The following ZDHHC20 variants were observed in gnomAD, a reference collection of about 807,000 sequenced individuals.
ZDHHC20 encodes zDHHC palmitoyltransferase 20, also known as palmitoyltransferase ZDHHC20.
In ZDHHC20, 43 loss-of-function variants were observed where a neutral mutation model predicts 57.8. The observed-to-expected ratio is 0.74, with a 90% CI of 0.58 to 0.96. ZDHHC20 has a LOEUF of 0.96. Ranked by LOEUF, ZDHHC20 falls within the 40% of genes least tolerant of loss-of-function variation. The pLI is 0.00. For synonymous variants in ZDHHC20, 157 were observed against 153.0 expected (o/e 1.03, Z -0.19); for missense variants, 391 against 441.1 (o/e 0.89, Z 1.02).
chr13:21,437,696 T>C (rs1344875580), intron 1 of ZDHHC20, among the ~76,000 whole-genome samples: 1 of 31,548 alleles, frequency 3.2e-5, no homozygotes, highest in Non-Finnish European at 1.4e-4. Context: ...CTTTACTGAA[T>C]TTTTTTTTTT....
chr13:21,432,012 G>A (rs893409554), intron 1 of ZDHHC20, among the ~76,000 whole-genome samples: 1 of 151,916 alleles, frequency 6.6e-6, no homozygotes, highest in African/African-American at 2.4e-5. Context: ...GGAAATCTTT[G>A]CCAACCTATG....
At chr13:21,443,767 T>C (rs542658433) in intron 1 of ZDHHC20, among the ~76,000 whole-genome samples, 1 of 152,358 alleles carries the variant, frequency 6.6e-6, no homozygotes. Context: ...CTGGGGTCCT[T>C]CAATATTGTT....
chr13:21,412,182 G>A (rs1195854699), intron 4 of ZDHHC20, among the ~76,000 whole-genome samples: 2 of 152,210 alleles, frequency 1.3e-5, no homozygotes, highest in East Asian at 3.8e-4. Flanking sequence ...ATCCTTGAAT[G>A]CAGCTGCAAA....
rs1593204168 is a variant in ZDHHC20 at position 21,398,143 on chromosome 13, G to C, written c.594+2230C>G. ...AGCAAATATTTACTGAACACCTACT[G>C]TGTGTTCAGTACTGGGCGACTAAGA... is the stretch of plus-strand genomic sequence containing the variant. On this transcript the variant is annotated intron_variant, in intron 7 of 12. Coordinates refer to ENST00000400590, the MANE Select transcript of ZDHHC20 (RefSeq NM_001330059.2). Among the ~76,000 whole-genome samples, 3 of 152,076 alleles carry C rather than the reference G, an allele frequency of 2.0e-5. No homozygotes were observed. In the East Asian group the frequency reaches 5.8e-4, roughly 29 times the overall value.
intron 7 of ZDHHC20, among the ~76,000 whole-genome samples, chr13:21,398,249 G>A (rs370151506): frequency 6.6e-6 from 1 of 152,078 alleles, no homozygotes; most frequent in South Asian, 2.1e-4. Context: ...CAGATCACGA[G>A]GTCAGGAGAT....
intron 1 of ZDHHC20, among the ~76,000 whole-genome samples, chr13:21,428,162 T>C (rs1232176099): frequency 2.6e-5 from 4 of 152,054 alleles, no homozygotes; most frequent in Admixed American, 6.5e-5. Context: ...CTGCAGAACC[T>C]CTCTCAGTGA....
chr13:21,387,022 T>G (rs578038128), intron 9 of ZDHHC20, among the ~76,000 whole-genome samples: 5 of 152,204 alleles, frequency 3.3e-5, no homozygotes, highest in Non-Finnish European at 5.9e-5. Context: ...CTTTGGTATA[T>G]AGCTGGCCTA....
intron 12 of ZDHHC20, chr13:21,377,777 C>T (rs1302143060): frequency 6.5e-6 from 1 of 154,064 alleles, no homozygotes; most frequent in African/African-American, 2.4e-5. Flanking sequence ...GAGGACAAGC[C>T]CACAAGTGAG....
chr13:21,405,667 C>T (rs1878336884), intron 4 of ZDHHC20, among the ~76,000 whole-genome samples: 1 of 152,150 alleles, frequency 6.6e-6, no homozygotes, highest in African/African-American at 2.4e-5. Flanking sequence ...CTACTGGGAG[C>T]ATATTCTTTG....
chr13:21,447,532 C>A (rs1413446098), intron 1 of ZDHHC20, among the ~76,000 whole-genome samples: 1 of 147,698 alleles, frequency 6.8e-6, no homozygotes, highest in Non-Finnish European at 1.5e-5. Context: ...GATCCGCCAG[C>A]CTTGGCCTCC....
At chr13:21,443,425 GATA>G (rs1883372045) in intron 1 of ZDHHC20, among the ~76,000 whole-genome samples, 1 of 152,116 alleles carries the variant, frequency 6.6e-6, no homozygotes, top group African/African-American at 2.4e-5. Flanking sequence ...TCTTAGTTCT[GATA>G]CAGTCACCAG....
intron 1 of ZDHHC20, among the ~76,000 whole-genome samples, chr13:21,439,950 C>T (rs1221209188): frequency 1.3e-5 from 2 of 151,254 alleles, no homozygotes; most frequent in Non-Finnish European, 2.9e-5. Context: ...GCCTGTAATC[C>T]CAGCTACTCA....
intron 4 of ZDHHC20, among the ~76,000 whole-genome samples, chr13:21,410,212 G>C (rs2137843573): frequency 1.3e-5 from 2 of 152,280 alleles, no homozygotes; most frequent in South Asian, 4.1e-4. Flanking sequence ...ATCACCAGCG[G>C]AGGCTGCAGA....
chr13:21,419,163 A>G (rs776495285), intron 3 of ZDHHC20, among the ~76,000 whole-genome samples: 3 of 152,236 alleles, frequency 2.0e-5, no homozygotes, highest in Non-Finnish European at 4.4e-5. Flanking sequence ...TAAGAAATGG[A>G]TAGTTTGTAA....
intron 6 of ZDHHC20, 143 bp from the exon 7 acceptor site, chr13:21,400,636 G>C: frequency 1.3e-6 from 1 of 760,050 alleles, no homozygotes; most frequent in Non-Finnish European, 2.1e-6. Context: ...CAGTTTTGCA[G>C]GATGAAAAAG....
At chr13:21,406,345 C>G (rs182781675) in intron 4 of ZDHHC20, among the ~76,000 whole-genome samples, 34 of 152,254 alleles carry the variant, frequency 2.2e-4, no homozygotes, top group African/African-American at 7.5e-4. Flanking sequence ...CTAATTGACT[C>G]TAGTTAAGCA....
At chr13:21,449,392 G>A (rs769116571) in intron 1 of ZDHHC20, among the ~76,000 whole-genome samples, 1 of 152,084 alleles carries the variant, frequency 6.6e-6, no homozygotes. Context: ...TCACACATTA[G>A]GGGTTCTGGC....
chr13:21,440,595 C>T (rs897973193), intron 1 of ZDHHC20, among the ~76,000 whole-genome samples: 2 of 151,304 alleles, frequency 1.3e-5, no homozygotes, highest in South Asian at 4.2e-4. Flanking sequence ...TGGGTGACAA[C>T]AGCAAAACTC....
intron 1 of ZDHHC20, among the ~76,000 whole-genome samples, chr13:21,428,024 T>C (rs181111437): frequency 1.1e-4 from 16 of 152,212 alleles, no homozygotes; most frequent in Middle Eastern, 3.4e-3. Flanking sequence ...CCTAGGTTTT[T>C]TTCCTGGAGG....
Sources: gnomAD v4.1 joint callset for allele counts (sites outside exome capture counted in the v4.1 genomes callset) on GRCh38, gnomAD v4.1.1 for gene constraint, MANE v1.5 for transcripts, NCBI Gene and HGNC (gene_info 2026-07-23, HGNC 2026-07-21) for gene names.